The following GPC6 variants were observed in gnomAD, a reference collection of about 807,000 sequenced individuals.
GPC6 encodes glypican-6.
GPC6 carries 14 observed loss-of-function variants against 55.2 expected under a neutral mutation model. The observed-to-expected ratio is 0.25, with a 90% CI of 0.17 to 0.40. GPC6 has a LOEUF of 0.40. Ranked by LOEUF, GPC6 falls within the 10% of genes least tolerant of loss-of-function variation. GPC6 has a pLI of 1.00. For synonymous variants in GPC6, 278 were observed against 259.6 expected (o/e 1.07, Z -0.68); for missense variants, 641 against 708.5 (o/e 0.90, Z 1.08).
chr13:94,132,562 G>T (rs1887038757), intron 4 of GPC6, among the ~76,000 whole-genome samples: 1 of 152,090 alleles, frequency 6.6e-6, no homozygotes, highest in Non-Finnish European at 1.5e-5. Context: ...TCTCTTCCTT[G>T]TTCAAAAATA....
chr13:93,831,507 A>G (rs1324896420), intron 3 of GPC6, among the ~76,000 whole-genome samples: 1 of 152,114 alleles, frequency 6.6e-6, no homozygotes, highest in Admixed American at 6.6e-5. Flanking sequence ...GGGCTGTGCC[A>G]AAGAGCCACA....
At chr13:93,419,017 A>C (rs1876823805) in intron 1 of GPC6, among the ~76,000 whole-genome samples, 1 of 150,942 alleles carries the variant, frequency 6.6e-6, no homozygotes, top group African/African-American at 2.4e-5. Context: ...TATTAATAGC[A>C]CTATGCCATA....
At chr13:93,860,495 A>G (rs1253199366) in intron 3 of GPC6, among the ~76,000 whole-genome samples, 1 of 151,662 alleles carries the variant, frequency 6.6e-6, no homozygotes, top group Admixed American at 6.6e-5. Context: ...TCATAGACCT[A>G]AATTTGGTGT....
At chr13:93,792,682 G>A (rs1234973618) in intron 2 of GPC6, among the ~76,000 whole-genome samples, 1 of 152,126 alleles carries the variant, frequency 6.6e-6, no homozygotes, top group Non-Finnish European at 1.5e-5. Context: ...GCTTTGTAGG[G>A]GAAAACGTGG....
chr13:94,259,431 A>G (rs1004381767), intron 4 of GPC6, among the ~76,000 whole-genome samples: 2 of 152,006 alleles, frequency 1.3e-5, no homozygotes, highest in East Asian at 1.9e-4. Context: ...CAGTTAGACA[A>G]CTCTAGGCTG....
intron 1 of GPC6, among the ~76,000 whole-genome samples, chr13:93,379,123 C>T (rs1875049087): frequency 6.6e-6 from 1 of 152,052 alleles, no homozygotes. Context: ...CCGTAATGCA[C>T]CCTAGGAGAC....
intron 2 of GPC6, among the ~76,000 whole-genome samples, chr13:93,740,155 A>G (rs1884152597): frequency 6.6e-6 from 1 of 151,718 alleles, no homozygotes; most frequent in African/African-American, 2.4e-5. Flanking sequence ...TGAAATTACA[A>G]ATCACTAGAG....
chr13:93,745,391 C>T (rs2138855092), intron 2 of GPC6, among the ~76,000 whole-genome samples: 1 of 152,126 alleles, frequency 6.6e-6, no homozygotes, highest in Non-Finnish European at 1.5e-5. Flanking sequence ...CTTTAAATGT[C>T]TCCCCAAATA....
At chr13:93,789,550 G>T in intron 2 of GPC6, among the ~76,000 whole-genome samples, 1 of 65,388 alleles carries the variant, frequency 1.5e-5, no homozygotes, top group Admixed American at 1.7e-4. Context: ...GTTAATATAG[G>T]GACTTAGTTA....
intron 1 of GPC6, among the ~76,000 whole-genome samples, chr13:93,525,965 A>T (rs868301337): frequency 1.3e-5 from 2 of 152,110 alleles, no homozygotes; most frequent in Non-Finnish European, 2.9e-5. Flanking sequence ...ACAACATTGT[A>T]GGATCCTAGA....
the GPC6 span, among the ~76,000 whole-genome samples, chr13:93,220,930 C>T: frequency 6.6e-6 from 1 of 152,102 alleles, no homozygotes; most frequent in Admixed American, 6.6e-5. Flanking sequence ...GTCACCCAGG[C>T]TGGAATGCAG....
At chr13:93,806,629 C>T (rs1886550077) in intron 2 of GPC6, among the ~76,000 whole-genome samples, 1 of 152,128 alleles carries the variant, frequency 6.6e-6, no homozygotes, top group Non-Finnish European at 1.5e-5. Flanking sequence ...TGTGAGTCAC[C>T]ACATCCGGCC....
At chr13:93,567,759 T>G (rs1447276154) in intron 2 of GPC6, among the ~76,000 whole-genome samples, 1 of 152,202 alleles carries the variant, frequency 6.6e-6, no homozygotes, top group African/African-American at 2.4e-5. Context: ...TTACCCTATT[T>G]ATTGTTAGAA....
chr13:93,866,401 A>G (rs1380105444), intron 3 of GPC6, among the ~76,000 whole-genome samples: 1 of 151,734 alleles, frequency 6.6e-6, no homozygotes, highest in East Asian at 2.0e-4. Flanking sequence ...TCCTTTTAGT[A>G]TATACCCAGT....
chr13:93,590,990 A>T (rs550085610), intron 2 of GPC6, among the ~76,000 whole-genome samples: 3 of 148,602 alleles, frequency 2.0e-5, no homozygotes, highest in East Asian at 2.0e-4. Flanking sequence ...GTATAATAAT[A>T]AAAAAAAAAG....
chr13:93,848,891 C>T (rs1888296147), intron 3 of GPC6, among the ~76,000 whole-genome samples: 1 of 152,112 alleles, frequency 6.6e-6, no homozygotes, highest in Non-Finnish European at 1.5e-5. Flanking sequence ...AGCTCGCTTG[C>T]CTCACTCAAA....
intron 1 of GPC6, among the ~76,000 whole-genome samples, chr13:93,429,076 G>GATTGC (rs1877258012): frequency 6.6e-6 from 1 of 152,170 alleles, no homozygotes; most frequent in African/African-American, 2.4e-5. Flanking sequence ...AAGTGGAATT[G>GATTGC]ATTGCATTCT....
intron 3 of GPC6, among the ~76,000 whole-genome samples, chr13:93,992,070 C>T (rs2140416137): frequency 6.6e-6 from 1 of 151,314 alleles, no homozygotes; most frequent in African/African-American, 2.4e-5. Flanking sequence ...CCCTCTTATA[C>T]ATACATAGTT....
chr13:93,270,833 C>T (rs1877495992), intron 1 of GPC6, among the ~76,000 whole-genome samples: 1 of 151,828 alleles, frequency 6.6e-6, no homozygotes, highest in Non-Finnish European at 1.5e-5. Context: ...CATAGTTTAG[C>T]ACCAGATGAG....
Sources: gnomAD v4.1 joint callset for allele counts (sites outside exome capture counted in the v4.1 genomes callset) on GRCh38, gnomAD v4.1.1 for gene constraint, MANE v1.5 for transcripts, NCBI Gene and HGNC (gene_info 2026-07-23, HGNC 2026-07-21) for gene names.